Variants in CTSO observed in about 807,000 individuals in gnomAD.
The protein encoded by CTSO is cathepsin O.
Under a neutral mutation model 42.4 loss-of-function variants are expected in CTSO, and 40 were observed. The ratio of observed to expected loss-of-function variants is 0.94; its 90% CI spans 0.73 to 1.23. CTSO has a LOEUF of 1.23. Ranked by LOEUF, CTSO falls within the 50% of genes most tolerant of loss-of-function variation. The probability of loss-of-function intolerance (pLI) is 0.00; values close to 1 mark genes in which losing one functional copy is unlikely to be tolerated. For synonymous variants in CTSO, 156 were observed against 146.2 expected (o/e 1.07, Z -0.48); for missense variants, 441 against 396.0 (o/e 1.11, Z -0.96).
chr4:155,952,304 A>G (rs374126831), intron 1 of CTSO, among the ~76,000 whole-genome samples: 9 of 152,302 alleles, frequency 5.9e-5, no homozygotes, highest in African/African-American at 1.9e-4. Flanking sequence ...CAGGACCAGT[A>G]TGAGTCACTA....
intron 4 of CTSO, 136 bp from the exon 5 acceptor site, chr4:155,937,619 TC>T (rs1743352911): frequency 1.2e-6 from 1 of 847,896 alleles, no homozygotes; most frequent in African/African-American, 1.7e-5. Flanking sequence ...CTTTTTTTTT[TC>T]TTTTTCTTTT....
chr4:155,946,050 C>T (rs1294768497), intron 1 of CTSO, among the ~76,000 whole-genome samples: 2 of 152,118 alleles, frequency 1.3e-5, no homozygotes, highest in African/African-American at 4.8e-5. Flanking sequence ...ATTTTAGACT[C>T]TTGAGTGTAG....
At chr4:155,926,824 C>T (rs951731796) in intron 7 of CTSO, among the ~76,000 whole-genome samples, 3 of 152,200 alleles carry the variant, frequency 2.0e-5, no homozygotes, top group South Asian at 4.2e-4. Context: ...TGGTGAGGGA[C>T]GTAGTTATAA....
At position 155,939,375 on chromosome 4, in the gene CTSO, T is replaced by G. The variant is rs374298053; in HGVS notation, c.548A>C (p.Asn183Thr). ...GSTLNALNWL[N>T]KMQVKLVKDS... Reference sequence around the variant, plus strand: ...AGAGGTTGAGAGACTAGTCACCTTGTTTAACCAGTTCAAAGCATTGAGAGT... The same window carrying G: ...AGAGGTTGAGAGACTAGTCACCTTGGTTAACCAGTTCAAAGCATTGAGAGT... The change falls in exon 4 of 8, where the codon AAC becomes ACC. Residue 183 changes from asparagine (N) to threonine (T), a missense_variant. By Grantham distance (65) the Asn-to-Thr change is moderately conservative. Transcript: ENST00000433477. The G allele has an allele frequency of 1.9e-6, 3 of 1,606,934 alleles. No individual in the cohort carries two copies. Among genetic ancestry groups the G allele is most frequent in the Non-Finnish European group, 2.6e-6 (3 of 1,174,980 alleles).
chr4:155,939,571 C>T (rs1485801563), intron 3 of CTSO, 33 bp from the exon 4 acceptor site: 1 of 1,577,328 alleles, frequency 6.3e-7, no homozygotes, highest in Non-Finnish European at 8.6e-7. Context: ...GTGGTATTTC[C>T]AGGGTTTAAA....
intron 5 of CTSO, among the ~76,000 whole-genome samples, chr4:155,933,141 C>T (rs1254686939): frequency 6.6e-6 from 1 of 152,080 alleles, no homozygotes; most frequent in South Asian, 2.1e-4. Context: ...TTGTATCTCC[C>T]AGAATTCCCA....
rs536466515 is a variant in CTSO, at chr4:155,953,735, T to C, written c.113A>G (p.Glu38Gly). 229 of 1,272,688 alleles carry C rather than the reference T, an allele frequency of 1.8e-4. 1 individual carries two copies. The highest frequency in any genetic ancestry group is 1.2e-3 in the Middle Eastern group (5 of 4,192). 78.8% of individuals were successfully genotyped at this position (1,272,688 alleles called of 1,614,324 possible). A position where few individuals can be genotyped will look rare whatever the true frequency, so the allele number is the denominator to read the frequency against. Residue 38 changes from glutamate (E) to glycine (G), a missense_variant, in exon 1 of 8, where the codon GAG becomes GGG. Transcript: ENST00000433477. ...PFTPTWPRSREREAAAFRESL... is the reference protein window; with the variant it reads ...PFTPTWPRSRGREAAAFRESL... ...TACCCGGAAGGCGGCGGCTTCACGC[T>C]CGCGGCTCCGCGGCCAGGTCGGGGT... is the stretch of plus-strand genomic sequence containing the variant.
chr4:155,934,424 C>T (rs1443398304), intron 5 of CTSO, among the ~76,000 whole-genome samples: 2 of 152,162 alleles, frequency 1.3e-5, no homozygotes, highest in Admixed American at 6.5e-5. Context: ...CACACAGAGT[C>T]CCACAGGAGC....
At chr4:155,952,355 C>A (rs990519987) in intron 1 of CTSO, among the ~76,000 whole-genome samples, 2 of 152,030 alleles carry the variant, frequency 1.3e-5, no homozygotes, top group African/African-American at 4.8e-5. Flanking sequence ...TATCTAAAAT[C>A]TAAATAAATG....
intron 1 of CTSO, among the ~76,000 whole-genome samples, chr4:155,950,932 T>C (rs1333472685): frequency 6.6e-6 from 1 of 151,336 alleles, no homozygotes; most frequent in African/African-American, 2.4e-5. Context: ...ACCACTGAGG[T>C]AGAAAATAGG....
At chr4:155,939,691 A>C (rs1579344550) in intron 3 of CTSO, among the ~76,000 whole-genome samples, 153 bp from the exon 4 acceptor site, 1 of 152,386 alleles carries the variant, frequency 6.6e-6, no homozygotes, top group Non-Finnish European at 1.5e-5. Context: ...TTAAACTGAA[A>C]AAAAGAGAAA....
At chr4:155,933,892 A>ACAG (rs1259471448) in intron 5 of CTSO, among the ~76,000 whole-genome samples, 1 of 152,170 alleles carries the variant, frequency 6.6e-6, no homozygotes, top group African/African-American at 2.4e-5. Context: ...CAGAGCATAA[A>ACAG]AGTTCAGAAA....
intron 5 of CTSO, among the ~76,000 whole-genome samples, chr4:155,935,128 C>CTCACA: frequency 6.6e-6 from 1 of 152,248 alleles, no homozygotes; most frequent in Admixed American, 6.5e-5. Context: ...GTGAATAAGT[C>CTCACA]TCACAAGATC....
At chr4:155,938,722 C>G (rs191939215) in intron 4 of CTSO, among the ~76,000 whole-genome samples, 1 of 151,740 alleles carries the variant, frequency 6.6e-6, no homozygotes, top group South Asian at 2.1e-4. Flanking sequence ...GTCAGGAGAT[C>G]GAGATCAGCC....
intron 1 of CTSO, among the ~76,000 whole-genome samples, chr4:155,944,799 C>A (rs1743510547): frequency 6.6e-6 from 1 of 152,074 alleles, no homozygotes; most frequent in South Asian, 2.1e-4. Flanking sequence ...GATGGCCTTG[C>A]CAAACCAAAG....
Position 155,925,810 on chromosome 4 carries a change from A to C in CTSO, c.*226T>G. The C allele has an allele frequency of 2.0e-6, 1 of 495,834 alleles. No individual in the cohort carries two copies. The highest frequency in any genetic ancestry group is 3.5e-6 in the Non-Finnish European group (1 of 286,318). The allele number at this position is 495,834 out of a possible 1,614,324, so 30.7% of individuals were successfully genotyped here. On this transcript the variant is annotated 3_prime_UTR_variant, in exon 8 of 8. Transcript: ENST00000433477. ...GTCTCAGGACAGGAAACTATTCCAT[A>C]GGCTTCCTCGCAGGCTTCTGTGCTG...
At position 155,943,162 on chromosome 4, in the gene CTSO, A is replaced by G. The variant is rs767176089; in HGVS notation, c.238T>C (p.Phe80Leu). 1 of 1,599,056 alleles carries G rather than the reference A, an allele frequency of 6.3e-7. No homozygotes were observed. The highest frequency in any genetic ancestry group is 8.6e-7 in the Non-Finnish European group (1 of 1,168,142). The change falls in exon 2 of 8, where the codon TTT becomes CTT. Residue 80 changes from phenylalanine to leucine, a missense_variant. Physicochemically the swap from Phe to Leu is conservative, Grantham distance 22. Coordinates refer to ENST00000433477, the MANE Select transcript of CTSO (RefSeq NM_001334.3). ...TAGCAACATCGGACTATACCTTTAA[A>G]CTCTTCAGGAAACAAATAGGAAAAC... is the stretch of plus-strand genomic sequence containing the variant. ...NQFSYLFPEE[F>L]KAIYLRSKPS...
intron 5 of CTSO, among the ~76,000 whole-genome samples, chr4:155,934,282 A>G (rs537942044): frequency 1.1e-4 from 17 of 152,196 alleles, no homozygotes; most frequent in Non-Finnish European, 2.5e-4. Context: ...GAGATTGGGG[A>G]ACCTCCACCT....
chr4:155,948,905 T>C (rs1743595378), intron 1 of CTSO, among the ~76,000 whole-genome samples: 1 of 152,210 alleles, frequency 6.6e-6, no homozygotes, highest in African/African-American at 2.4e-5. Context: ...TCTACTTCCC[T>C]GAGGGGAAAA....
Sources: allele counts gnomAD v4.1 joint callset (sites outside exome capture counted in the v4.1 genomes callset), GRCh38; gene constraint gnomAD v4.1.1; transcripts MANE v1.5; gene names NCBI Gene and HGNC (gene_info 2026-07-23, HGNC 2026-07-21).